SLC6A16: variants seen among roughly 807,000 people sequenced by gnomAD.
The protein encoded by SLC6A16 is solute carrier family 6 member 16.
SLC6A16 carries 54 observed loss-of-function variants against 65.4 expected under a neutral mutation model. The ratio of observed to expected loss-of-function variants is 0.83; its 90% CI spans 0.66 to 1.04. The LOEUF (loss-of-function observed/expected upper bound fraction) is 1.04, where lower values mean the gene tolerates loss of function less well. Among genes scored for constraint, SLC6A16 ranks in the 50% least tolerant of loss-of-function variants. The pLI is 0.00. For missense variants in SLC6A16, 816 were observed against 914.0 expected (o/e 0.89, Z 1.38); for synonymous variants, 330 against 346.5 (o/e 0.95, Z 0.53).
At position 49,313,482 on chromosome 19, in the gene SLC6A16, T is replaced by C. The variant is rs138756047; in HGVS notation, c.-64-2071A>G. Among the ~76,000 whole-genome samples the C allele has an allele frequency of 7.7e-3, 1,177 of 152,100 alleles. 62 individuals carry two copies. The highest frequency in any genetic ancestry group is 0.057 in the Admixed American group (873 of 15,264). Reference sequence around the variant, plus strand: ...TCCCCACTCACCTGTATTACTTTAATAATCAATAAAAATACGGCCAGGCAT... The same window carrying C: ...TCCCCACTCACCTGTATTACTTTAACAATCAATAAAAATACGGCCAGGCAT... On this transcript the variant is annotated intron_variant, in intron 1 of 11. Coordinates refer to ENST00000335875, the MANE Select transcript of SLC6A16 (RefSeq NM_014037.3).
At position 49,317,109 on chromosome 19, in the gene SLC6A16, G is replaced by A. The variant is rs570996612; in HGVS notation, c.-64-5698C>T. Among the ~76,000 whole-genome samples the A allele has an allele frequency of 9.5e-4, 145 of 152,046 alleles. 1 individual carries two copies. Among genetic ancestry groups the A allele is most frequent in the African/African-American group, 3.4e-3 (140 of 41,476 alleles). On this transcript the variant is annotated intron_variant, in intron 1 of 11. Transcript: ENST00000335875. ...AATCCCAGCACTTTGAGAAGCCAAG[G>A]CAGGAGGATCACTTGAAGTCAGGAG...
At chr19:49,339,185 G>A in the SLC6A16 span, 3 of 753,596 alleles carry the variant, frequency 4.0e-6, no homozygotes, top group East Asian at 7.4e-5. This position sits in a 1 kb window ranked among gnomAD's most constrained non-coding sequence, Gnocchi z 4.5. Context: ...AAGCGAGGGT[G>A]CACTAGTAAG....
the SLC6A16 span, among the ~76,000 whole-genome samples, chr19:49,333,326 A>G: frequency 6.6e-6 from 1 of 152,008 alleles, no homozygotes; most frequent in Non-Finnish European, 1.5e-5. Flanking sequence ...TACAAAAATT[A>G]GCCGGGCGTA....
chr19:49,340,299 G>T, the SLC6A16 span: 7 of 1,613,710 alleles, frequency 4.3e-6, no homozygotes, highest in Non-Finnish European at 5.9e-6. Flanking sequence ...CCTGGACCAC[G>T]TCTACAACCG....
chr19:49,337,685 C>T, the SLC6A16 span: 3 of 1,527,188 alleles, frequency 2.0e-6, no homozygotes, highest in Non-Finnish European at 2.6e-6. Flanking sequence ...GGGAAACACA[C>T]GGGAAAAAGA....
chr19:49,310,615 GC>G, intron 2 of SLC6A16, 105 bp from the exon 3 acceptor site: 1 of 1,240,014 alleles, frequency 8.1e-7, no homozygotes, highest in Non-Finnish European at 1.2e-6. Flanking sequence ...CTCTTCCAGG[GC>G]CACAGGCATC....
chr19:49,335,887 C>A, the SLC6A16 span: 1 of 914,602 alleles, frequency 1.1e-6, no homozygotes, highest in Non-Finnish European at 1.8e-6. The surrounding 1 kb of genome is among the most constrained non-coding windows in gnomAD (Gnocchi z 4.6). Flanking sequence ...ACTCTGCAGG[C>A]AGGCTACAGG....
rs1321409677 is a variant in SLC6A16 at position 49,290,155 on chromosome 19, T to C, written c.2179A>G (p.Lys727Glu). 1 of 1,614,144 alleles carries C rather than the reference T, an allele frequency of 6.2e-7. No homozygotes were observed. The highest frequency in any genetic ancestry group is 8.5e-7 in the Non-Finnish European group (1 of 1,179,998). The change falls in exon 12 of 12, where the codon AAG becomes GAG. Residue 727 changes from lysine (K) to glutamate (E), a missense_variant. Transcript: ENST00000335875. ...KEEILQVDETKYPSTCNVTS is the reference protein window; with the variant it reads ...KEEILQVDETEYPSTCNVTS The stretch of plus-strand genomic sequence containing the variant: ...GTCACATTACAAGTTGATGGGTACT[T>C]TGTTTCATCAACTTGTAGAATTTCT...
chr19:49,335,810 G>C, the SLC6A16 span: 60 of 1,490,766 alleles, frequency 4.0e-5, no homozygotes, highest in East Asian at 1.2e-3. This position sits in a 1 kb window ranked among gnomAD's most constrained non-coding sequence, Gnocchi z 4.6. Context: ...GGGCAGGTGG[G>C]AGGGCCTCCC....
chr19:49,297,677 G>A (rs1190123659), intron 7 of SLC6A16, among the ~76,000 whole-genome samples: 1 of 152,150 alleles, frequency 6.6e-6, no homozygotes, highest in East Asian at 1.9e-4. Context: ...CCCTAAACTG[G>A]AAACAACTCA....
chr19:49,337,113 G>T, the SLC6A16 span: 1 of 1,614,098 alleles, frequency 6.2e-7, no homozygotes, highest in Non-Finnish European at 8.5e-7. Flanking sequence ...GGTTGCAGGG[G>T]TGGTCAGCCT....
the SLC6A16 span, chr19:49,339,292 C>T: frequency 1.3e-5 from 20 of 1,581,034 alleles, no homozygotes; most frequent in South Asian, 2.1e-4. This position sits in a 1 kb window ranked among gnomAD's most constrained non-coding sequence, Gnocchi z 4.5. Flanking sequence ...TTGAGAGTCC[C>T]AGAAAGAATC....
At chr19:49,295,220 A>C (rs1232968582) in intron 7 of SLC6A16, among the ~76,000 whole-genome samples, 1 of 152,126 alleles carries the variant, frequency 6.6e-6, no homozygotes, top group East Asian at 1.9e-4. Context: ...TCTCTACTAA[A>C]AATACAAAAA....
At chr19:49,336,911 T>C in the SLC6A16 span, 4 of 1,614,092 alleles carry the variant, frequency 2.5e-6, no homozygotes, top group Admixed American at 3.3e-5. Context: ...TCTCCCAGGC[T>C]TGGCCTTCGT....
the SLC6A16 span, chr19:49,336,888 C>T: frequency 6.2e-7 from 1 of 1,612,952 alleles, no homozygotes. Context: ...AGCTCATCAT[C>T]ACTCCCCTCA....
At chr19:49,339,342 G>A in the SLC6A16 span, 8 of 1,613,988 alleles carry the variant, frequency 5.0e-6, no homozygotes, top group East Asian at 1.6e-4. The surrounding 1 kb of genome is among the most constrained non-coding windows in gnomAD (Gnocchi z 4.5). Context: ...CTGCGCGCAG[G>A]GCCTCCAGAA....
upstream of SLC6A16, among the ~76,000 whole-genome samples, chr19:49,329,551 G>A (rs1056607773): frequency 2.1e-4 from 32 of 152,070 alleles, no homozygotes; most frequent in African/African-American, 7.5e-4. Flanking sequence ...GCAAGGGCGA[G>A]GTGGGAGGAT....
At chr19:49,310,010 C>T (rs1205396875) in intron 4 of SLC6A16, 30 bp downstream of exon 4, 1 of 1,606,818 alleles carries the variant, frequency 6.2e-7, no homozygotes, top group Admixed American at 1.7e-5. Context: ...TCCATTTTTC[C>T]CTTCTCCTCT....
upstream of SLC6A16, chr19:49,325,345 C>G: frequency 1.6e-6 from 1 of 625,134 alleles, no homozygotes; most frequent in Non-Finnish European, 2.0e-6. Context: ...CATCCTCTGA[C>G]TGCTCACGCG....
Sources: gnomAD v4.1 joint callset for allele counts (sites outside exome capture counted in the v4.1 genomes callset) on GRCh38, gnomAD v4.1.1 for gene constraint, Gnocchi (gnomAD v3.1) non-coding constraint, MANE v1.5 for transcripts, NCBI Gene and HGNC (gene_info 2026-07-23, HGNC 2026-07-21) for gene names.